The following ZNF648 variants were observed in gnomAD, a reference collection of about 807,000 sequenced individuals.
The protein encoded by ZNF648 is zinc finger protein 648.
In ZNF648, 1 loss-of-function variant was observed where a neutral mutation model predicts 0.3. The observed-to-expected ratio is 3.90, with a 90% CI of 1.39 to 18.51. The LOEUF (loss-of-function observed/expected upper bound fraction) is 18.51, where lower values mean the gene tolerates loss of function less well. Ranked by LOEUF, ZNF648 falls within the 30% of genes most tolerant of loss-of-function variation. ZNF648 has a pLI of 0.11. For synonymous variants in ZNF648, 376 were observed against 326.8 expected (o/e 1.15, Z -1.62); for missense variants, 874 against 769.7 (o/e 1.14, Z -1.60).
Position 182,059,285 on chromosome 1 carries a change from G to A in ZNF648, c.-63-1212C>T, listed in dbSNP as rs529447330. Among the ~76,000 whole-genome samples the A allele has an allele frequency of 2.0e-5, 3 of 152,334 alleles. No homozygotes were observed. The East Asian group carries it at 5.8e-4, about 29-fold the overall frequency. On this transcript the variant is annotated intron_variant, in intron 1 of 1. Transcript: ENST00000339948. The stretch of plus-strand genomic sequence containing the variant: ...ATGTAGGATTTCAAACATAATGCAT[G>A]AGACATGAGAGCCATTTGGGTTTTA...
Position 182,056,793 on chromosome 1 carries a change from G to A in ZNF648, c.1218C>T (p.Arg406=). Residue 406 remains arginine (R), a synonymous_variant, in exon 2 of 2, where the codon CGC becomes CGT. Coordinates refer to ENST00000339948, the MANE Select transcript of ZNF648 (RefSeq NM_001009992.1). ...ACDREFAVAS[R]MVEHQRVHSG... is the part of the protein sequence containing the mutation. ...AGTGCACGCGCTGGTGCTCCACCAT[G>A]CGGCTGGCCACAGCGAACTCCCGGT... is the stretch of plus-strand genomic sequence containing the variant. 6.5e-7 allele frequency: 1 copy of A among 1,545,704 alleles called. No homozygotes were observed. Among genetic ancestry groups the A allele is most frequent in the Non-Finnish European group, 8.7e-7 (1 of 1,146,684 alleles).
chr1:182,057,093 G>T lies in ZNF648; in HGVS notation c.918C>A (p.Pro306=). ...QHRRLHTGER[P]YQCSFCDKAY... is the part of the protein sequence containing the mutation. The stretch of plus-strand genomic sequence containing the variant: ...CCTTGTCGCAGAAGGAGCACTGGTA[G>T]GGCCGCTCGCCCGTGTGCAGGCGCC... Residue 306 remains proline (P), a synonymous_variant, in exon 2 of 2, where the codon CCC becomes CCA. Coordinates refer to ENST00000339948, the MANE Select transcript of ZNF648 (RefSeq NM_001009992.1). 6.2e-7 allele frequency: 1 copy of T among 1,611,748 alleles called. No individual in the cohort carries two copies. The highest frequency in any genetic ancestry group is 8.5e-7 in the Non-Finnish European group (1 of 1,179,922).
At chr1:182,065,845 T>C (rs1666091266), upstream of ZNF648, among the ~76,000 whole-genome samples, 1 of 152,234 alleles carries the variant, frequency 6.6e-6, no homozygotes, top group Admixed American at 6.5e-5. Context: ...GGTCAACCTA[T>C]TGCTCAGACT....
chr1:182,055,929 T>C lies in ZNF648; in HGVS notation c.*375A>G. 1 of 224,750 alleles carries C rather than the reference T, an allele frequency of 4.4e-6. No individual in the cohort carries two copies. Among genetic ancestry groups the C allele is most frequent in the South Asian group, 8.6e-5 (1 of 11,660 alleles). The allele number at this position is 224,750 out of a possible 1,614,324, so 13.9% of individuals were successfully genotyped here. On this transcript the variant is annotated 3_prime_UTR_variant, in exon 2 of 2. Transcript: ENST00000339948. This position sits in a 1 kb window ranked among gnomAD's most constrained non-coding sequence, Gnocchi z 4.1. ...CAGTATTTGCATATGGCTTTGAGGG[T>C]AGGACAGGTTAGTCTTTTTCCCCAC...
chr1:182,069,415 G>A, the ZNF648 span, among the ~76,000 whole-genome samples: 2 of 152,162 alleles, frequency 1.3e-5, no homozygotes, highest in South Asian at 2.1e-4. Flanking sequence ...TGCACTGAAC[G>A]TAACCAGAGA....
rs975678210 is a variant in ZNF648, at chr1:182,057,375, C to G, written c.636G>C (p.Ala212=). The G allele has an allele frequency of 6.2e-7, 1 of 1,612,602 alleles. No individual in the cohort carries two copies. The highest frequency in any genetic ancestry group is 8.5e-7 in the Non-Finnish European group (1 of 1,179,946). ...CAGCCAGGCTGGCTGGGGTGGCCGA[C>G]GCCTGGGCTGGTGTATGTGTCTCTT... ...PTQETHTPAQ[A]SATPASLAAA... is the part of the protein sequence containing the mutation. Residue 212 remains alanine, a synonymous_variant, in exon 2 of 2, where the codon GCG becomes GCC. Transcript: ENST00000339948.
At chr1:182,066,956 A>G in the ZNF648 span, among the ~76,000 whole-genome samples, 1 of 152,166 alleles carries the variant, frequency 6.6e-6, no homozygotes, top group Non-Finnish European at 1.5e-5. Flanking sequence ...AGCCCCAAAC[A>G]TTCCCACTGA....
intron 1 of ZNF648, among the ~76,000 whole-genome samples, chr1:182,060,013 G>A (rs1666004959): frequency 6.6e-6 from 1 of 152,146 alleles, no homozygotes; most frequent in African/African-American, 2.4e-5. Flanking sequence ...GCCTGCTCTG[G>A]GGCTGGGCTC....
Position 182,057,789 on chromosome 1 carries a change from C to T in ZNF648, c.222G>A (p.Leu74=). The T allele has an allele frequency of 6.2e-7, 1 of 1,614,208 alleles. No homozygotes were observed. The highest frequency in any genetic ancestry group is 8.5e-7 in the Non-Finnish European group (1 of 1,180,032). The change falls in exon 2 of 2, where the codon CTG becomes CTA. Residue 74 remains leucine, a synonymous_variant. Coordinates refer to ENST00000339948, the MANE Select transcript of ZNF648 (RefSeq NM_001009992.1). ...CAGAGAATTTCTCTTCCTCTTTGCC[C>T]AGTGGATGGGGCCATGGCAAGTCAG... is the stretch of plus-strand genomic sequence containing the variant. ...ENPDLPWPHP[L]GKEEEKFSDS...
rs780660678 is a variant in ZNF648 at position 182,057,971 on chromosome 1, A to G, written c.40T>C (p.Ser14Pro). The change falls in exon 2 of 2, where the codon TCT (serine) becomes CCT (proline). Residue 14 changes from serine (S) to proline (P), a missense_variant. By Grantham distance (74) the Ser-to-Pro change is moderately conservative. Coordinates refer to ENST00000339948, the MANE Select transcript of ZNF648 (RefSeq NM_001009992.1). ...TCCTCAGTCAAGCTGCTGAGAGGAG[A>G]CGCCTCTCCCCACCTGTCCTGGGAG... ...VDSQDRWGEA[S>P]PLSSLTEEAH... 5 of 1,612,918 alleles carry G rather than the reference A, an allele frequency of 3.1e-6. No homozygotes were observed. The highest frequency in any genetic ancestry group is 1.1e-5 in the South Asian group (1 of 90,964).
chr1:182,057,168 G>C lies in ZNF648; in HGVS notation c.843C>G (p.Cys281Trp), dbSNP rs199562661. ...GGGAGTAGGCCTTCCCGCATAGCTC[G>C]CACGCGTAGCGCTTGGCGGCGCCGC... is the stretch of plus-strand genomic sequence containing the variant. ...TRGGAAKRYACELCGKAYSHR... is the reference protein window; with the variant it reads ...TRGGAAKRYAWELCGKAYSHR... Residue 281 changes from cysteine to tryptophan, a missense_variant, in exon 2 of 2, where the codon TGC becomes TGG. By Grantham distance (215) the Cys-to-Trp change is radical (BLOSUM62 -2). Coordinates refer to ENST00000339948, the MANE Select transcript of ZNF648 (RefSeq NM_001009992.1). The C allele has an allele frequency of 6.3e-7, 1 of 1,593,186 alleles. No homozygotes were observed. Among genetic ancestry groups the C allele is most frequent in the African/African-American group, 1.3e-5 (1 of 74,710 alleles).
intron 1 of ZNF648, 43 bp from the exon 2 acceptor site, chr1:182,058,116 C>T: frequency 7.2e-7 from 1 of 1,382,416 alleles, no homozygotes; most frequent in South Asian, 1.4e-5. Context: ...AAAGAATGTA[C>T]TTAATCACTT....
Position 182,056,093 on chromosome 1 carries a change from A to G in ZNF648, c.*211T>C, listed in dbSNP as rs1400477094. ...TCTTTCCCTTTTCCAATTGCTTATGACCTCGGACACTCAGAACCACTGATG... is the reference window on the plus strand; with the variant it reads ...TCTTTCCCTTTTCCAATTGCTTATGGCCTCGGACACTCAGAACCACTGATG... On this transcript the variant is annotated 3_prime_UTR_variant, in exon 2 of 2. Transcript: ENST00000339948. 3.3e-6 allele frequency: 2 copies of G among 614,500 alleles called. No individual in the cohort carries two copies. The highest frequency in any genetic ancestry group is 3.8e-5 in the African/African-American group (2 of 53,004). The allele number at this position is 614,500 out of a possible 1,614,324, so 38.1% of individuals were successfully genotyped here.
Position 182,056,241 on chromosome 1 carries a change from G to GC in ZNF648, c.*62dup. The GC allele has an allele frequency of 1.3e-6, 2 of 1,538,640 alleles. No individual in the cohort carries two copies. Among genetic ancestry groups the GC allele is most frequent in the Non-Finnish European group, 1.8e-6 (2 of 1,142,768 alleles). ...GAGGCGAGGCTGACCAGTGAGGCTG[G>GC]CAATACCATGTGAGTGGGCCCACCT... On this transcript the variant is annotated 3_prime_UTR_variant, in exon 2 of 2. Coordinates refer to ENST00000339948, the MANE Select transcript of ZNF648 (RefSeq NM_001009992.1).
chr1:182,057,440 A>T lies in ZNF648; in HGVS notation c.571T>A (p.Cys191Ser). ...DTSAGNSSLLCFPRPGSNWDL... is the reference protein window; with the variant it reads ...DTSAGNSSLLSFPRPGSNWDL... The stretch of plus-strand genomic sequence containing the variant: ...CAGTTGCTCCCCGGCCTGGGGAAAC[A>T]CAACAGAGAAGAGTTCCCTGCGGAC... The change falls in exon 2 of 2, where the codon TGT becomes AGT. Residue 191 changes from cysteine to serine, a missense_variant. Coordinates refer to ENST00000339948, the MANE Select transcript of ZNF648 (RefSeq NM_001009992.1). 1 of 1,614,242 alleles carries T rather than the reference A, an allele frequency of 6.2e-7. No homozygotes were observed. Among genetic ancestry groups the T allele is most frequent in the Non-Finnish European group, 8.5e-7 (1 of 1,180,034 alleles).
In ZNF648 at chr1:182,057,668, C is replaced by T. The variant is rs1665956906; in HGVS notation, c.343G>A (p.Gly115Ser). The change falls in exon 2 of 2, where the codon GGT becomes AGT. Residue 115 changes from glycine (G) to serine (S), a missense_variant. Transcript: ENST00000339948. ...AGAGCTCTGCTTGCTCCCGGGGAAC[C>T]CTGGGTCTCGTTGATCTTTGTCACA... is the stretch of plus-strand genomic sequence containing the variant. ...RDVTKINETQ[G>S]SPGASRALGS... 6.2e-7 allele frequency: 1 copy of T among 1,614,066 alleles called. No individual in the cohort carries two copies. Among genetic ancestry groups the T allele is most frequent in the Non-Finnish European group, 8.5e-7 (1 of 1,180,042 alleles).
the ZNF648 span, among the ~76,000 whole-genome samples, chr1:182,069,493 G>T: frequency 6.6e-6 from 1 of 152,170 alleles, no homozygotes; most frequent in Non-Finnish European, 1.5e-5. Context: ...TTCCTATAGG[G>T]CTGCTGGAGT....
chr1:182,068,107 C>G, the ZNF648 span, among the ~76,000 whole-genome samples: 3 of 152,300 alleles, frequency 2.0e-5, no homozygotes, highest in South Asian at 2.1e-4. Context: ...GAAAAAGAAC[C>G]CTCTGATCTC....
In ZNF648 at chr1:182,056,686, T is replaced by A. The variant is rs1557969999; in HGVS notation, c.1325A>T (p.His442Leu). 6.2e-7 allele frequency: 1 copy of A among 1,602,382 alleles called. No individual in the cohort carries two copies. The highest frequency in any genetic ancestry group is 2.3e-5 in the East Asian group (1 of 44,192). The change falls in exon 2 of 2, where the codon CAC (histidine) becomes CTC (leucine). Residue 442 changes from histidine to leucine, a missense_variant. Coordinates refer to ENST00000339948, the MANE Select transcript of ZNF648 (RefSeq NM_001009992.1). ...SSNLSEHQTL[H>L]TGQRPFKCAD... Reference sequence around the variant, plus strand: ...GCACTTGAAAGGCCTCTGGCCGGTGTGCAGCGTCTGGTGCTCGGACAGATT... The same window carrying A: ...GCACTTGAAAGGCCTCTGGCCGGTGAGCAGCGTCTGGTGCTCGGACAGATT...
Sources: gnomAD v4.1 joint callset for allele counts (sites outside exome capture counted in the v4.1 genomes callset) on GRCh38, gnomAD v4.1.1 for gene constraint, Gnocchi (gnomAD v3.1) non-coding constraint, MANE v1.5 for transcripts, NCBI Gene and HGNC (gene_info 2026-07-23, HGNC 2026-07-21) for gene names.